The following FGF12 variants were observed in gnomAD, a reference collection of about 807,000 sequenced individuals.
FGF12 encodes the protein fibroblast growth factor 12.
Under a neutral mutation model 23.6 loss-of-function variants are expected in FGF12, and 14 were observed. The observed-to-expected ratio is 0.59, with a 90% CI of 0.39 to 0.93. The LOEUF (loss-of-function observed/expected upper bound fraction) is 0.93. Among genes scored for constraint, FGF12 ranks in the 40% least tolerant of loss-of-function variants. The probability of loss-of-function intolerance (pLI) is 0.00; values close to 1 mark genes in which losing one functional copy is unlikely to be tolerated. For synonymous variants in FGF12, 62 were observed against 77.3 expected (o/e 0.80, Z 1.04); for missense variants, 175 against 217.8 (o/e 0.80, Z 1.24).
chr3:192,246,206 A>T (rs1711555377), intron 4 of FGF12, among the ~76,000 whole-genome samples: 2 of 152,180 alleles, frequency 1.3e-5, no homozygotes, highest in Non-Finnish European at 1.5e-5. Flanking sequence ...AATTATAATT[A>T]CATACTTGAT....
chr3:192,400,176 C>T (rs762157320), intron 2 of FGF12, among the ~76,000 whole-genome samples: 13 of 152,046 alleles, frequency 8.6e-5, no homozygotes, highest in South Asian at 2.1e-4. Context: ...ATACTACAAA[C>T]GAATCAAATA....
At position 192,591,389 on chromosome 3, in the gene FGF12, C is replaced by G. The variant is rs759135049; in HGVS notation, c.13+135792G>C. Among the ~76,000 whole-genome samples the G allele has an allele frequency of 2.6e-5, 4 of 151,702 alleles. 1 individual carries two copies. The highest frequency in any genetic ancestry group is 4.4e-5 in the Non-Finnish European group (3 of 67,868). On this transcript the variant is annotated intron_variant, in intron 2 of 5. Transcript: ENST00000445105. ...GGCTCCCAGTTTTAATGCCTTAAAA[C>G]AGCTGCCAGTGAAGGAAAAGAGAAG...
chr3:192,628,710 AATATATACATAAATACATATATACAC>A (rs1715274282), intron 2 of FGF12, among the ~76,000 whole-genome samples: 1 of 149,654 alleles, frequency 6.7e-6, no homozygotes, highest in East Asian at 1.9e-4. Context: ...TATACACATA[AATATATACATAAATACATATATACAC>A]ATATATACAT....
chr3:192,173,256 C>T (rs1277501804), intron 4 of FGF12, among the ~76,000 whole-genome samples: 1 of 150,574 alleles, frequency 6.6e-6, no homozygotes, highest in African/African-American at 2.4e-5. Flanking sequence ...AGCATGCATA[C>T]ATTTTTAAAA....
intron 2 of FGF12, among the ~76,000 whole-genome samples, chr3:192,595,726 A>G (rs1320848838): frequency 6.6e-6 from 1 of 152,200 alleles, no homozygotes; most frequent in Non-Finnish European, 1.5e-5. Context: ...TGGTCTTGGT[A>G]GATTAGAAGG....
At chr3:192,652,120 C>G (rs1405996028) in intron 2 of FGF12, among the ~76,000 whole-genome samples, 1 of 152,212 alleles carries the variant, frequency 6.6e-6, no homozygotes, top group Non-Finnish European at 1.5e-5. Context: ...CTAGATCTTA[C>G]ACTTCCAGGA....
chr3:192,459,438 C>A (rs971400625), intron 2 of FGF12, among the ~76,000 whole-genome samples: 7 of 152,156 alleles, frequency 4.6e-5, no homozygotes, highest in Admixed American at 3.3e-4. Context: ...GTTTAACTCG[C>A]ATTTGTTATG....
chr3:192,206,110 G>A (rs1362936682), intron 4 of FGF12, among the ~76,000 whole-genome samples: 1 of 152,144 alleles, frequency 6.6e-6, no homozygotes, highest in African/African-American at 2.4e-5. Context: ...ACAGAACCAG[G>A]CCAATCCAGA....
intron 4 of FGF12, among the ~76,000 whole-genome samples, chr3:192,316,968 A>G (rs1716258107): frequency 6.6e-6 from 1 of 151,978 alleles, no homozygotes; most frequent in African/African-American, 2.4e-5. Context: ...CTCCCAGATG[A>G]AATTTTTAGA....
chr3:192,490,874 G>A, intron 2 of FGF12, among the ~76,000 whole-genome samples: 1 of 152,078 alleles, frequency 6.6e-6, no homozygotes, highest in East Asian at 1.9e-4. Context: ...TGCTGCCCTT[G>A]GGGAGGGCAG....
At position 192,625,989 on chromosome 3, in the gene FGF12, C is replaced by T. The variant is rs181673291; in HGVS notation, c.13+101192G>A. Among the ~76,000 whole-genome samples the T allele has an allele frequency of 1.2e-4, 18 of 152,264 alleles. 1 individual carries two copies. The Middle Eastern group carries it at 0.017, about 144-fold the overall frequency. ...GATGATATTAGAAAGATGAGACAGT[C>T]CCTGTTGACCCACATTCTGTAGCTT... On this transcript the variant is annotated intron_variant, in intron 2 of 5. Transcript: ENST00000445105.
At chr3:192,297,838 T>A (rs1715128381) in intron 4 of FGF12, among the ~76,000 whole-genome samples, 1 of 152,210 alleles carries the variant, frequency 6.6e-6, no homozygotes, top group African/African-American at 2.4e-5. Flanking sequence ...TAGGCACTGA[T>A]AAGTTGAACC....
intron 2 of FGF12, among the ~76,000 whole-genome samples, chr3:192,673,881 C>A (rs1001421795): frequency 3.3e-5 from 5 of 151,030 alleles, no homozygotes; most frequent in African/African-American, 1.2e-4. Flanking sequence ...ATAGAATGAT[C>A]TATATTTCCT....
chr3:192,675,599 T>C (rs1717301609), intron 2 of FGF12, among the ~76,000 whole-genome samples: 1 of 152,204 alleles, frequency 6.6e-6, no homozygotes, highest in Non-Finnish European at 1.5e-5. Context: ...GGGAGCAGAA[T>C]ACAGGTTTTT....
intron 3 of FGF12, among the ~76,000 whole-genome samples, chr3:192,351,986 A>G (rs557182252): frequency 1.3e-5 from 2 of 152,300 alleles, no homozygotes; most frequent in African/African-American, 4.8e-5. Flanking sequence ...AAGCTCCAAG[A>G]CATACAAATC....
chr3:192,323,310 A>T (rs181800463), intron 4 of FGF12, among the ~76,000 whole-genome samples: 2 of 152,362 alleles, frequency 1.3e-5, no homozygotes, highest in East Asian at 3.9e-4. Context: ...ATTTGGAAAC[A>T]ACCTATCCAT....
chr3:192,218,846 C>T (rs1056900681), intron 4 of FGF12, among the ~76,000 whole-genome samples: 8 of 152,162 alleles, frequency 5.3e-5, no homozygotes, highest in Admixed American at 2.0e-4. Flanking sequence ...CATTTGATTG[C>T]TAGATTTGCT....
intron 2 of FGF12, among the ~76,000 whole-genome samples, chr3:192,434,317 A>C (rs1721951164): frequency 6.6e-6 from 1 of 152,142 alleles, no homozygotes; most frequent in Non-Finnish European, 1.5e-5. Context: ...TCCTTGAAAA[A>C]CTGAGACAGA....
intron 2 of FGF12, among the ~76,000 whole-genome samples, chr3:192,438,672 T>C (rs1722100446): frequency 6.6e-6 from 1 of 152,196 alleles, no homozygotes; most frequent in Non-Finnish European, 1.5e-5. Flanking sequence ...CAGACTCCAC[T>C]AAGGAAGGAA....
Sources: allele counts gnomAD v4.1 joint callset (sites outside exome capture counted in the v4.1 genomes callset), GRCh38; gene constraint gnomAD v4.1.1; transcripts MANE v1.5; gene names NCBI Gene and HGNC (gene_info 2026-07-23, HGNC 2026-07-21).